The following EFCAB6 variants were observed in gnomAD, a reference collection of about 807,000 sequenced individuals.
EFCAB6 encodes EF-hand calcium-binding domain-containing protein 6.
In EFCAB6, 156 loss-of-function variants were observed where a neutral mutation model predicts 169.8. The ratio of observed to expected loss-of-function variants is 0.92; its 90% CI spans 0.81 to 1.05. The LOEUF (loss-of-function observed/expected upper bound fraction) is 1.05, where lower values mean the gene tolerates loss of function less well. EFCAB6 is among the 50% of genes least tolerant of loss of function. The pLI, the probability that EFCAB6 is intolerant of heterozygous loss-of-function variation, is 0.00. For missense variants in EFCAB6, 1,800 were observed against 1,829.1 expected, an observed-to-expected ratio of 0.98 and a Z score of 0.29; for synonymous variants, 698 against 676.4, an observed-to-expected ratio of 1.03 and a Z score of -0.50.
At chr22:43,635,551 T>C (rs2055327494) in intron 17 of EFCAB6, among the ~76,000 whole-genome samples, 1 of 152,188 alleles carries the variant, frequency 6.6e-6, no homozygotes, top group Non-Finnish European at 1.5e-5. Context: ...TAGAGTCTCA[T>C]ACATTAGGTT....
rs1310026789 is a variant in EFCAB6, at chr22:43,782,146, C to A, written c.139+34G>T. On this transcript the variant is annotated intron_variant, in intron 3 of 31. Coordinates refer to ENST00000262726, the MANE Select transcript of EFCAB6 (RefSeq NM_022785.4). ...ATTAAATACATATAAGTGATATCTA[C>A]AGTTAGTGTTCTTATTTGCTCATGA... The A allele has an allele frequency of 3.1e-6, 5 of 1,595,396 alleles. No homozygotes were observed. The East Asian group carries it at 1.1e-4, about 36-fold the overall frequency.
intron 8 of EFCAB6, among the ~76,000 whole-genome samples, chr22:43,731,088 G>A (rs1444373758): frequency 2.0e-5 from 3 of 152,170 alleles, no homozygotes; most frequent in African/African-American, 7.2e-5. Context: ...CCAATTGCAT[G>A]AGCCAGACAT....
chr22:43,533,080 G>C (rs2047176886), intron 30 of EFCAB6, among the ~76,000 whole-genome samples: 1 of 152,270 alleles, frequency 6.6e-6, no homozygotes, highest in Non-Finnish European at 1.5e-5. Context: ...TTGTGGAACT[G>C]TAAGTGGCTG....
At chr22:43,648,624 T>G (rs576999771) in intron 17 of EFCAB6, among the ~76,000 whole-genome samples, 5 of 152,208 alleles carry the variant, frequency 3.3e-5, no homozygotes, top group Non-Finnish European at 7.4e-5. Flanking sequence ...ACTACCTGGG[T>G]GGCGGGATTA....
At chr22:43,751,917 C>T (rs577099208) in intron 6 of EFCAB6, among the ~76,000 whole-genome samples, 21 of 152,206 alleles carry the variant, frequency 1.4e-4, no homozygotes, top group East Asian at 7.7e-4. Context: ...TGCCTTAATG[C>T]GATAAAGCAC....
At chr22:43,689,650 C>A (rs2058334697) in intron 10 of EFCAB6, among the ~76,000 whole-genome samples, 1 of 152,152 alleles carries the variant, frequency 6.6e-6, no homozygotes, top group Non-Finnish European at 1.5e-5. Context: ...TTTCAGCCTC[C>A]CCTTTTGTTC....
At chr22:43,718,107 T>C (rs1170640634) in intron 8 of EFCAB6, among the ~76,000 whole-genome samples, 3 of 150,980 alleles carry the variant, frequency 2.0e-5, no homozygotes, top group Admixed American at 2.0e-4. Context: ...AGAAACAAAA[T>C]CTGAGAGGAT....
chr22:43,642,090 C>A (rs139877330), intron 17 of EFCAB6, among the ~76,000 whole-genome samples: 1 of 151,976 alleles, frequency 6.6e-6, no homozygotes, highest in Non-Finnish European at 1.5e-5. Flanking sequence ...TACAGGCATG[C>A]GACACCACAC....
chr22:43,659,140 CG>C (rs1161735367), intron 17 of EFCAB6, among the ~76,000 whole-genome samples: 4 of 152,218 alleles, frequency 2.6e-5, no homozygotes, highest in African/African-American at 9.7e-5. Flanking sequence ...ATTTCTTATG[CG>C]CTCTCTCTGG....
At chr22:43,688,749 C>G (rs755173457) in intron 10 of EFCAB6, among the ~76,000 whole-genome samples, 4 of 152,254 alleles carry the variant, frequency 2.6e-5, no homozygotes, top group Non-Finnish European at 5.9e-5. Flanking sequence ...TGACCTGTGT[C>G]ACAAACACCT....
chr22:43,601,026 AAAATT>A (rs2052481824), intron 22 of EFCAB6, among the ~76,000 whole-genome samples: 1 of 152,258 alleles, frequency 6.6e-6, no homozygotes, highest in East Asian at 1.9e-4. Context: ...GGTTTAGAAA[AAAATT>A]CTTCAAAAAG....
At chr22:43,667,421 G>C in intron 16 of EFCAB6, 149 bp from the exon 17 acceptor site, 1 of 996,798 alleles carries the variant, frequency 1.0e-6, no homozygotes, top group African/African-American at 1.6e-5. Context: ...GTGACTCAGG[G>C]GCTTCTTACC....
In EFCAB6 at chr22:43,628,405, G is replaced by A. The variant is rs1279998661; in HGVS notation, c.2233-1726C>T. ...TCGGCCCCCACCCAAGGTCGCTGGAGTCCTGCAGGAACCTCGTGATGGCTC... is the reference window on the plus strand; with the variant it reads ...TCGGCCCCCACCCAAGGTCGCTGGAATCCTGCAGGAACCTCGTGATGGCTC... On this transcript the variant is annotated intron_variant, in intron 19 of 31. Coordinates refer to ENST00000262726, the MANE Select transcript of EFCAB6 (RefSeq NM_022785.4). The surrounding 1 kb of genome is among the most constrained non-coding windows in gnomAD (Gnocchi z 4.8). Among the ~76,000 whole-genome samples the A allele has an allele frequency of 1.3e-5, 2 of 152,128 alleles. No individual in the cohort carries two copies. Among genetic ancestry groups the A allele is most frequent in the Non-Finnish European group, 2.9e-5 (2 of 68,024 alleles).
rs546688064 is a variant in EFCAB6 at position 43,629,258 on chromosome 22, A to G, written c.2233-2579T>C. ...CAAATCTCAGTCTTCAGCTTCCCCA[A>G]TGTTAGTGCGTAGTACAGAGGCTTT... On this transcript the variant is annotated intron_variant, in intron 19 of 31. Coordinates refer to ENST00000262726, the MANE Select transcript of EFCAB6 (RefSeq NM_022785.4). Among the ~76,000 whole-genome samples, 13 of 152,264 alleles carry G rather than the reference A, an allele frequency of 8.5e-5. No homozygotes were observed. In the South Asian group the frequency reaches 2.5e-3, roughly 29 times the overall value.
At chr22:43,543,692 G>T (rs2047879996) in intron 27 of EFCAB6, among the ~76,000 whole-genome samples, 1 of 152,158 alleles carries the variant, frequency 6.6e-6, no homozygotes. Flanking sequence ...CCCTGGAGGG[G>T]CTGGATGGGG....
intron 23 of EFCAB6, among the ~76,000 whole-genome samples, chr22:43,599,856 A>C (rs940958736): frequency 6.6e-6 from 1 of 152,228 alleles, no homozygotes; most frequent in African/African-American, 2.4e-5. Flanking sequence ...GAATGATATA[A>C]GATTGTGACT....
intron 11 of EFCAB6, among the ~76,000 whole-genome samples, chr22:43,684,316 C>A (rs2147116602): frequency 6.6e-6 from 1 of 152,314 alleles, no homozygotes; most frequent in South Asian, 2.1e-4. Flanking sequence ...TTTCTGTTGA[C>A]AATGACCATG....
At chr22:43,690,146 G>A (rs890409487) in intron 10 of EFCAB6, among the ~76,000 whole-genome samples, 2 of 152,002 alleles carry the variant, frequency 1.3e-5, no homozygotes, top group Non-Finnish European at 2.9e-5. Context: ...GGGTCTTCTT[G>A]TACCTACTCT....
intron 6 of EFCAB6, among the ~76,000 whole-genome samples, chr22:43,737,478 T>TCA (rs752560932): frequency 9.1e-4 from 107 of 117,608 alleles, no homozygotes; most frequent in Admixed American, 7.0e-4. Context: ...GTGCATATAT[T>TCA]CACACACACA....
Sources: allele counts gnomAD v4.1 joint callset (sites outside exome capture counted in the v4.1 genomes callset), GRCh38; gene constraint gnomAD v4.1.1; non-coding constraint Gnocchi (gnomAD v3.1); transcripts MANE v1.5; gene names NCBI Gene and HGNC (gene_info 2026-07-23, HGNC 2026-07-21).